EXOC4: variants seen among roughly 807,000 people sequenced by gnomAD.
EXOC4 encodes exocyst complex component 4.
A neutral mutation model predicts 107.2 loss-of-function variants in EXOC4; 71 were observed. The observed-to-expected ratio is 0.66, with a 90% CI of 0.55 to 0.81. The LOEUF (loss-of-function observed/expected upper bound fraction) is 0.81. Among genes scored for constraint, EXOC4 ranks in the 30% least tolerant of loss-of-function variants. The probability of loss-of-function intolerance (pLI) is 0.00; values close to 1 mark genes in which losing one functional copy is unlikely to be tolerated. For missense variants in EXOC4, 1,108 were observed against 1,189.6 expected, an observed-to-expected ratio of 0.93 and a Z score of 1.01; for synonymous variants, 456 against 441.2, an observed-to-expected ratio of 1.03 and a Z score of -0.42.
chr7:133,480,259 A>C, intron 9 of EXOC4, 121 bp downstream of exon 9: 1 of 1,508,540 alleles, frequency 6.6e-7, no homozygotes, highest in Non-Finnish European at 8.9e-7. Flanking sequence ...TAGTGACTTA[A>C]TAATTTGTTT....
intron 1 of EXOC4, among the ~76,000 whole-genome samples, chr7:133,267,349 C>T (rs1467555458): frequency 1.3e-5 from 2 of 152,172 alleles, no homozygotes; most frequent in South Asian, 4.1e-4. Flanking sequence ...CACTCTTTCT[C>T]AAGTCTCTAA....
chr7:133,418,864 A>G (rs190735012), intron 7 of EXOC4, among the ~76,000 whole-genome samples: 19 of 152,356 alleles, frequency 1.2e-4, no homozygotes, highest in African/African-American at 4.3e-4. Context: ...AGGATTAGAT[A>G]AAGCCTTTGT....
intron 10 of EXOC4, among the ~76,000 whole-genome samples, chr7:133,759,006 T>C (rs1795977043): frequency 6.6e-6 from 1 of 152,210 alleles, no homozygotes; most frequent in Non-Finnish European, 1.5e-5. Flanking sequence ...GAGGGACCAC[T>C]ATCATGTGGA....
At chr7:133,752,903 C>A (rs1795824137) in intron 10 of EXOC4, among the ~76,000 whole-genome samples, 2 of 152,324 alleles carry the variant, frequency 1.3e-5, no homozygotes, top group Middle Eastern at 3.4e-3. Flanking sequence ...CCTTTGACCG[C>A]TCCACTGGCT....
At chr7:133,776,322 T>A (rs1796345379) in intron 10 of EXOC4, among the ~76,000 whole-genome samples, 1 of 152,242 alleles carries the variant, frequency 6.6e-6, no homozygotes, top group Non-Finnish European at 1.5e-5. Context: ...TCTCTCCTTT[T>A]CTGATCCTGC....
chr7:133,542,011 TTTTTAGGA>T (rs764534622), intron 9 of EXOC4, among the ~76,000 whole-genome samples: 6 of 152,120 alleles, frequency 3.9e-5, no homozygotes, highest in Non-Finnish European at 5.9e-5. Flanking sequence ...TAGGAATCTT[TTTTTAGGA>T]CACAGTGTAA....
At position 134,065,050 on chromosome 7, in the gene EXOC4, C is replaced by T. The variant is rs997048398; in HGVS notation, c.*522C>T. On this transcript the variant is annotated 3_prime_UTR_variant, in exon 18 of 18. Transcript: ENST00000253861. The stretch of plus-strand genomic sequence containing the variant: ...ATTGCCAAAATCAAATAAATGGCTT[C>T]TCAGCTGCTGTTTACAACAAACTTC... 6.6e-6 allele frequency: 1 copy of T among 152,572 alleles called. No homozygotes were observed. The highest frequency in any genetic ancestry group is 1.5e-5 in the Non-Finnish European group (1 of 68,034). 9.5% of individuals were successfully genotyped at this position (152,572 alleles called of 1,614,324 possible). A position where few individuals can be genotyped will look rare whatever the true frequency, so the allele number is the denominator to read the frequency against.
chr7:133,912,884 T>G (rs1386103557), intron 12 of EXOC4, among the ~76,000 whole-genome samples: 2 of 152,114 alleles, frequency 1.3e-5, no homozygotes, highest in African/African-American at 4.8e-5. Context: ...GCCCAGAGAT[T>G]GTGATTTACT....
chr7:133,370,146 C>A (rs1191531443), intron 6 of EXOC4, among the ~76,000 whole-genome samples: 3 of 131,168 alleles, frequency 2.3e-5, no homozygotes, highest in Non-Finnish European at 3.2e-5. Context: ...CCCACCCTCC[C>A]CCCCAAAAGC....
intron 9 of EXOC4, among the ~76,000 whole-genome samples, chr7:133,563,314 GTCAA>G (rs1179320968): frequency 2.0e-5 from 3 of 152,130 alleles, no homozygotes; most frequent in Non-Finnish European, 4.4e-5. Flanking sequence ...CGTTAAAGAA[GTCAA>G]TCAAAATTGG....
intron 9 of EXOC4, among the ~76,000 whole-genome samples, chr7:133,504,398 T>G (rs1309177554): frequency 6.6e-6 from 1 of 152,122 alleles, no homozygotes; most frequent in Non-Finnish European, 1.5e-5. Context: ...GTGAAGATTT[T>G]TAAAAGTACA....
chr7:133,730,146 GACAA>G (rs1416056030), intron 10 of EXOC4, among the ~76,000 whole-genome samples: 30 of 147,196 alleles, frequency 2.0e-4, no homozygotes, highest in Admixed American at 9.7e-4. Context: ...AATCAAGGAT[GACAA>G]ACAAACAAAA....
intron 10 of EXOC4, among the ~76,000 whole-genome samples, chr7:133,752,415 A>ATT (rs1795813873): frequency 6.6e-6 from 1 of 152,174 alleles, no homozygotes; most frequent in African/African-American, 2.4e-5. Flanking sequence ...AGTCCACAAT[A>ATT]TTCTCATCAT....
chr7:133,967,114 G>A (rs1434167356), intron 14 of EXOC4, among the ~76,000 whole-genome samples: 1 of 152,192 alleles, frequency 6.6e-6, no homozygotes, highest in Non-Finnish European at 1.5e-5. Flanking sequence ...TATTCACATA[G>A]AGGTGTTTAT....
intron 7 of EXOC4, among the ~76,000 whole-genome samples, chr7:133,394,269 C>T (rs995623153): frequency 1.3e-5 from 2 of 152,116 alleles, no homozygotes; most frequent in Non-Finnish European, 2.9e-5. Flanking sequence ...GTCCTTTATT[C>T]TTTGAAAACG....
intron 10 of EXOC4, among the ~76,000 whole-genome samples, chr7:133,741,026 G>A (rs919030619): frequency 2.6e-5 from 4 of 152,184 alleles, no homozygotes; most frequent in Non-Finnish European, 5.9e-5. Context: ...GTCACATACA[G>A]GGTAAATACT....
intron 10 of EXOC4, among the ~76,000 whole-genome samples, chr7:133,639,579 T>C (rs1001447055): frequency 6.6e-6 from 1 of 152,142 alleles, no homozygotes; most frequent in Non-Finnish European, 1.5e-5. Context: ...TTCAGCAAGA[T>C]AAGTGAGAAG....
chr7:134,011,065 C>A (rs947001007), intron 17 of EXOC4, among the ~76,000 whole-genome samples: 12 of 152,204 alleles, frequency 7.9e-5, no homozygotes, highest in African/African-American at 2.9e-4. Flanking sequence ...TTTAACCCCC[C>A]TGTTAATTTT....
At chr7:133,297,066 C>T (rs1469183748) in intron 3 of EXOC4, among the ~76,000 whole-genome samples, 1 of 152,070 alleles carries the variant, frequency 6.6e-6, no homozygotes, top group Non-Finnish European at 1.5e-5. Context: ...AGTTGGAAAC[C>T]AAGTATTTAT....
Sources: allele counts gnomAD v4.1 joint callset (sites outside exome capture counted in the v4.1 genomes callset), GRCh38; gene constraint gnomAD v4.1.1; transcripts MANE v1.5; gene names NCBI Gene and HGNC (gene_info 2026-07-23, HGNC 2026-07-21).